CD68: variants seen among roughly 807,000 people sequenced by gnomAD.
CD68 encodes macrosialin.
Under a neutral mutation model 31.3 loss-of-function variants are expected in CD68, and 24 were observed. That is an observed-to-expected ratio of 0.77 (90% CI 0.55 to 1.08). CD68 has a LOEUF of 1.08. Among genes scored for constraint, CD68 ranks in the 50% least tolerant of loss-of-function variants. CD68 has a pLI of 0.00. For missense variants in CD68, 461 were observed against 442.5 expected, an observed-to-expected ratio of 1.04 and a Z score of -0.38; for synonymous variants, 190 against 179.6, an observed-to-expected ratio of 1.06 and a Z score of -0.46.
At chr17:7,581,282 A>G in intron 5 of CD68, 96 bp from the exon 6 acceptor site, 1 of 1,475,724 alleles carries the variant, frequency 6.8e-7, no homozygotes, top group African/African-American at 1.4e-5. Flanking sequence ...CTCCTCACCA[A>G]TCTCCTACTC....
In CD68 at chr17:7,579,704, G is replaced by C. The variant is rs923135296; in HGVS notation, c.27G>C (p.Gly9=). 41 of 1,603,684 alleles carry C rather than the reference G, an allele frequency of 2.6e-5. No individual in the cohort carries two copies. The highest frequency in any genetic ancestry group is 3.1e-5 in the Non-Finnish European group (37 of 1,176,242). Residue 9 remains glycine (G), a synonymous_variant, in exon 1 of 6, where the codon GGG becomes GGC. Transcript: ENST00000250092. ...TGAGGCTGGCTGTGCTTTTCTCGGG[G>C]GCCCTGCTGGGGCTACTGGCAGGTA... MRLAVLFS[G]ALLGLLAAQG...
In CD68 at chr17:7,579,757, C is replaced by G. The variant is rs1284860154; in HGVS notation, c.49+31C>G. Reference sequence around the variant, plus strand: ...GAGGAAGGAGGCTGAGGGGAGGGGGCCCCTGGGAGGGAGCCTGCCCTGGGT... The same window carrying G: ...GAGGAAGGAGGCTGAGGGGAGGGGGGCCCTGGGAGGGAGCCTGCCCTGGGT... On this transcript the variant is annotated intron_variant, in intron 1 of 5. Coordinates refer to ENST00000250092, the MANE Select transcript of CD68 (RefSeq NM_001251.3). The G allele has an allele frequency of 5.0e-6, 8 of 1,601,044 alleles. No homozygotes were observed. In the African/African-American group the frequency reaches 1.1e-4, roughly 22 times the overall value.
rs149306377 is a variant in CD68 at position 7,580,909 on chromosome 17, G to A, written c.774G>A (p.Ser258=). The A allele has an allele frequency of 2.5e-4, 402 of 1,613,834 alleles. 1 individual carries two copies. The highest frequency in any genetic ancestry group is 9.9e-4 in the Middle Eastern group (6 of 6,062). The change falls in exon 5 of 6, where the codon TCG becomes TCA. Residue 258 remains serine, a synonymous_variant. Coordinates refer to ENST00000250092, the MANE Select transcript of CD68 (RefSeq NM_001251.3). This position sits in a 1 kb window ranked among gnomAD's most constrained non-coding sequence, Gnocchi z 4.3. ...SFPHAAQWTF[S]AQNASLRDLQ... is the part of the protein sequence containing the mutation. ...TCACTCCTCCAGAGTGGACATTCTCGGCTCAGAATGCATCCCTTCGAGATC... is the reference window on the plus strand; with the variant it reads ...TCACTCCTCCAGAGTGGACATTCTCAGCTCAGAATGCATCCCTTCGAGATC...
In CD68 at chr17:7,580,431, C is replaced by G; in HGVS notation, c.568-35C>G. On this transcript the variant is annotated intron_variant, in intron 2 of 5. Transcript: ENST00000250092. The surrounding 1 kb of genome is among the most constrained non-coding windows in gnomAD (Gnocchi z 4.3). The stretch of plus-strand genomic sequence containing the variant: ...AGGGAACCTTGGCCGGCATCGCATG[C>G]AGTCTTGTGACCTTCCAGTCTTTAA... 1 of 1,612,678 alleles carries G rather than the reference C, an allele frequency of 6.2e-7. No individual in the cohort carries two copies. The highest frequency in any genetic ancestry group is 1.1e-5 in the South Asian group (1 of 91,034).
Position 7,581,604 on chromosome 17 carries a change from G to C in CD68, c.*93G>C. ...GACACGCAACTGGCTCAAAGACAATGTTATTTTCCTTCCCTTTCTTGAAGA... is the reference window on the plus strand; with the variant it reads ...GACACGCAACTGGCTCAAAGACAATCTTATTTTCCTTCCCTTTCTTGAAGA... On this transcript the variant is annotated 3_prime_UTR_variant, in exon 6 of 6. Coordinates refer to ENST00000250092, the MANE Select transcript of CD68 (RefSeq NM_001251.3). The C allele has an allele frequency of 3.0e-6, 4 of 1,333,152 alleles. No homozygotes were observed. The highest frequency in any genetic ancestry group is 4.2e-6 in the Non-Finnish European group (4 of 944,022). 82.6% of individuals were successfully genotyped at this position (1,333,152 alleles called of 1,614,324 possible).
Position 7,580,512 on chromosome 17 carries a change from G to C in CD68, c.614G>C (p.Gly205Ala), listed in dbSNP as rs1363401312. The C allele has an allele frequency of 6.2e-7, 1 of 1,614,034 alleles. No individual in the cohort carries two copies. The highest frequency in any genetic ancestry group is 8.5e-7 in the Non-Finnish European group (1 of 1,180,008). ...VLNPNKTKVQ[G>A]SCEGAHPHLL... Reference sequence around the variant, plus strand: ...AACCCCAACAAAACCAAGGTCCAGGGAAGCTGTGAGGGTGCCCATCCCCAC... The same window carrying C: ...AACCCCAACAAAACCAAGGTCCAGGCAAGCTGTGAGGGTGCCCATCCCCAC... Residue 205 changes from glycine to alanine, a missense_variant, in exon 3 of 6, where the codon GGA becomes GCA. Physicochemically the swap from Gly to Ala is moderately conservative, Grantham distance 60. Coordinates refer to ENST00000250092, the MANE Select transcript of CD68 (RefSeq NM_001251.3). This position sits in a 1 kb window ranked among gnomAD's most constrained non-coding sequence, Gnocchi z 4.3.
Position 7,581,392 on chromosome 17 carries a change from A to C in CD68, c.946A>C (p.Ser316Arg). The C allele has an allele frequency of 6.2e-7, 1 of 1,613,950 alleles. No individual in the cohort carries two copies. Among genetic ancestry groups the C allele is most frequent in the Non-Finnish European group, 8.5e-7 (1 of 1,180,006 alleles). Residue 316 changes from serine to arginine, a missense_variant, in exon 6 of 6, where the codon AGT (serine) becomes CGT (arginine). Physicochemically the swap from Ser to Arg is moderately radical, Grantham distance 110. Coordinates refer to ENST00000250092, the MANE Select transcript of CD68 (RefSeq NM_001251.3). ...CCTTCCGCCAGGTTTCTCCTGCCCC[A>C]GTGACCGGTCCATCTTGCTGCCTCT... ...GVFGQSFSCP[S>R]DRSILLPLII... is the part of the protein sequence containing the mutation.
Position 7,580,881 on chromosome 17 carries a change from T to G in CD68, c.761-15T>G, listed in dbSNP as rs538380167. The G allele has an allele frequency of 6.2e-7, 1 of 1,613,694 alleles. No homozygotes were observed. Among genetic ancestry groups the G allele is most frequent in the East Asian group, 2.2e-5 (1 of 44,876 alleles). ...AGGGAGGTGGATAGGATCTGACCCT[T>G]CCTCACTCCTCCAGAGTGGACATTC... On this transcript the variant is annotated splice_polypyrimidine_tract_variant and intron_variant, in intron 4 of 5. Coordinates refer to ENST00000250092, the MANE Select transcript of CD68 (RefSeq NM_001251.3). This position sits in a 1 kb window ranked among gnomAD's most constrained non-coding sequence, Gnocchi z 4.3.
Position 7,580,626 on chromosome 17 carries a change from C to G in CD68, c.687+41C>G. ...CAGTCTCACCCCTCACTCAGCCTCC[C>G]GGCGCCCCTCCCCTCCCAATCCCAC... On this transcript the variant is annotated intron_variant, in intron 3 of 5. Transcript: ENST00000250092. This position sits in a 1 kb window ranked among gnomAD's most constrained non-coding sequence, Gnocchi z 4.3. 1 of 1,613,602 alleles carries G rather than the reference C, an allele frequency of 6.2e-7. No homozygotes were observed. Among genetic ancestry groups the G allele is most frequent in the Non-Finnish European group, 8.5e-7 (1 of 1,179,728 alleles).
Position 7,579,964 on chromosome 17 carries a change from C to T in CD68, c.204C>T (p.Gly68=), listed in dbSNP as rs757957687. ...KTTTHRTTTT[G]TTSHGPTTAT... is the part of the protein sequence containing the mutation. ...CCACTCACAGGACAACCACCACAGGCACCACCAGCCACGGACCCACGACTG... is the reference window on the plus strand; with the variant it reads ...CCACTCACAGGACAACCACCACAGGTACCACCAGCCACGGACCCACGACTG... The change falls in exon 2 of 6, where the codon GGC becomes GGT. Residue 68 remains glycine, a synonymous_variant. Coordinates refer to ENST00000250092, the MANE Select transcript of CD68 (RefSeq NM_001251.3). The T allele has an allele frequency of 9.9e-6, 16 of 1,613,946 alleles. No individual in the cohort carries two copies. Among genetic ancestry groups the T allele is most frequent in the Admixed American group, 1.7e-5 (1 of 59,970 alleles).
chr17:7,579,723 G>T lies in CD68; in HGVS notation c.46G>T (p.Ala16Ser). ...CTCGGGGGCCCTGCTGGGGCTACTG[G>T]CAGGTAAGGAGGAAGGAGGCTGAGG... The part of the protein sequence containing the change: ...LFSGALLGLL[A>S]AQGTGNDCPH... The change falls in exon 1 of 6, where the codon GCA becomes TCA. Residue 16 changes from alanine (A) to serine (S), a missense_variant. Ala to Ser is a moderately conservative substitution (Grantham distance 99). Coordinates refer to ENST00000250092, the MANE Select transcript of CD68 (RefSeq NM_001251.3). 1.9e-6 allele frequency: 3 copies of T among 1,604,438 alleles called. No individual in the cohort carries two copies. The highest frequency in any genetic ancestry group is 2.6e-6 in the Non-Finnish European group (3 of 1,176,040).
rs776699949 is a variant in CD68 at position 7,579,997 on chromosome 17, C to A, written c.237C>A (p.His79Gln). Reference sequence around the variant, plus strand: ...GCCACGGACCCACGACTGCCACTCACAACCCCACCACCACCAGCCATGGAA... The same window carrying A: ...GCCACGGACCCACGACTGCCACTCAAAACCCCACCACCACCAGCCATGGAA... The part of the protein sequence containing the change: ...TTSHGPTTAT[H>Q]NPTTTSHGNV... The change falls in exon 2 of 6, where the codon CAC becomes CAA. Residue 79 changes from histidine to glutamine, a missense_variant. His to Gln is a conservative substitution (Grantham distance 24). Transcript: ENST00000250092. 3.1e-6 allele frequency: 5 copies of A among 1,609,138 alleles called. No homozygotes were observed.
Position 7,581,265 on chromosome 17 carries a change from C to T in CD68, c.932-113C>T, listed in dbSNP as rs999245751. ...CCCTTTTATCACTGCTGAGTCACTG[C>T]GGTGAGCTCCTCACCAATCTCCTAC... On this transcript the variant is annotated intron_variant, in intron 5 of 5. Transcript: ENST00000250092. 20 of 1,323,306 alleles carry T rather than the reference C, an allele frequency of 1.5e-5. 1 individual carries two copies. The South Asian group carries it at 1.8e-4, about 12-fold the overall frequency. 82.0% of individuals were successfully genotyped at this position (1,323,306 alleles called of 1,614,324 possible).
rs762207097 is a variant in CD68 at position 7,581,110 on chromosome 17, A to C, written c.931+44A>C. 1.9e-6 allele frequency: 3 copies of C among 1,542,808 alleles called. No homozygotes were observed. In the Admixed American group the frequency reaches 5.0e-5, roughly 26 times the overall value. On this transcript the variant is annotated intron_variant, in intron 5 of 5. Coordinates refer to ENST00000250092, the MANE Select transcript of CD68 (RefSeq NM_001251.3). ...TTCCCTCCTAGAATCCTCCCACTGC[A>C]CTGAAAACCCCTTCCCCAGGCCCAT... is the stretch of plus-strand genomic sequence containing the variant.
chr17:7,580,465 G>A lies in CD68; in HGVS notation c.568-1G>A. 6.2e-7 allele frequency: 1 copy of A among 1,614,062 alleles called. No individual in the cohort carries two copies. The highest frequency in any genetic ancestry group is 8.5e-7 in the Non-Finnish European group (1 of 1,180,004). On this transcript the variant is annotated splice_acceptor_variant, in intron 2 of 5. Transcript: ENST00000250092. LOFTEE classifies it high-confidence loss of function. The surrounding 1 kb of genome is among the most constrained non-coding windows in gnomAD (Gnocchi z 4.3). The stretch of plus-strand genomic sequence containing the variant: ...GACCTTCCAGTCTTTAACTTCCGCA[G>A]GCCTGGGGCATCTCTGTACTGAACC...
At position 7,580,371 on chromosome 17, in the gene CD68, G is replaced by C. The variant is rs1287834072; in HGVS notation, c.567+44G>C. On this transcript the variant is annotated intron_variant, in intron 2 of 5. Transcript: ENST00000250092. The surrounding 1 kb of genome is among the most constrained non-coding windows in gnomAD (Gnocchi z 4.3). ...GATGAGAGGGGAGGGAGGCAGGACT[G>C]GATATAGGCTCAGAGGGAAGAAGGA... 1.2e-6 allele frequency: 2 copies of C among 1,608,606 alleles called. No individual in the cohort carries two copies. Among genetic ancestry groups the C allele is most frequent in the Non-Finnish European group, 1.7e-6 (2 of 1,176,346 alleles).
rs2071483250 is a variant in CD68, at chr17:7,581,408, T to C, written c.962T>C (p.Leu321Ser). 6.2e-7 allele frequency: 1 copy of C among 1,614,156 alleles called. No individual in the cohort carries two copies. Residue 321 changes from leucine to serine, a missense_variant, in exon 6 of 6, where the codon TTG becomes TCG. By Grantham distance (145) the Leu-to-Ser change is moderately radical (BLOSUM62 -2). Coordinates refer to ENST00000250092, the MANE Select transcript of CD68 (RefSeq NM_001251.3). ...TCCTGCCCCAGTGACCGGTCCATCT[T>C]GCTGCCTCTCATCATCGGCCTGATC... ...SFSCPSDRSILLPLIIGLILL... is the reference protein window; with the variant it reads ...SFSCPSDRSISLPLIIGLILL...
rs914410883 is a variant in CD68, at chr17:7,580,399, A to G, written c.568-67A>G. 1.9e-6 allele frequency: 3 copies of G among 1,610,272 alleles called. No individual in the cohort carries two copies. Among genetic ancestry groups the G allele is most frequent in the Non-Finnish European group, 2.5e-6 (3 of 1,177,398 alleles). On this transcript the variant is annotated intron_variant, in intron 2 of 5. Transcript: ENST00000250092. This position sits in a 1 kb window ranked among gnomAD's most constrained non-coding sequence, Gnocchi z 4.3. Reference sequence around the variant, plus strand: ...TATAGGCTCAGAGGGAAGAAGGAAGAGGGGACAGGGAACCTTGGCCGGCAT... The same window carrying G: ...TATAGGCTCAGAGGGAAGAAGGAAGGGGGGACAGGGAACCTTGGCCGGCAT...
Position 7,580,177 on chromosome 17 carries a change from C to G in CD68, c.417C>G (p.His139Gln). The G allele has an allele frequency of 6.2e-7, 1 of 1,614,174 alleles. No homozygotes were observed. Among genetic ancestry groups the G allele is most frequent in the Admixed American group, 1.7e-5 (1 of 60,020 alleles). The change falls in exon 2 of 6, where the codon CAC (histidine) becomes CAG (glutamine). Residue 139 changes from histidine (H) to glutamine (Q), a missense_variant. Coordinates refer to ENST00000250092, the MANE Select transcript of CD68 (RefSeq NM_001251.3). The surrounding 1 kb of genome is among the most constrained non-coding windows in gnomAD (Gnocchi z 4.3). ...GCCCAGGATTCACCAGTTCTGCCCA[C>G]CCAGAACCACCTCCACCCTCTCCGA... The part of the protein sequence containing the change: ...ATSPGFTSSA[H>Q]PEPPPPSPSP...
Sources: allele counts gnomAD v4.1 joint callset, GRCh38; gene constraint gnomAD v4.1.1; non-coding constraint Gnocchi (gnomAD v3.1); transcripts MANE v1.5; gene names NCBI Gene and HGNC (gene_info 2026-07-23, HGNC 2026-07-21).